Variants in MAP4K4 observed in about 807,000 individuals in gnomAD.
MAP4K4 encodes the protein mitogen-activated protein kinase kinase kinase kinase 4.
Under a neutral mutation model 189.6 loss-of-function variants are expected in MAP4K4, and 38 were observed. That is an observed-to-expected ratio of 0.20 (90% CI 0.15 to 0.26). The LOEUF is 0.26. Ranked by LOEUF, MAP4K4 falls within the 10% of genes least tolerant of loss-of-function variation. The pLI is 1.00. For synonymous variants in MAP4K4, 610 were observed against 624.3 expected, an observed-to-expected ratio of 0.98 and a Z score of 0.34; for missense variants, 1,054 against 1,726.9, an observed-to-expected ratio of 0.61 and a Z score of 6.91.
At chr2:101,737,546 G>T (rs1309802071) in intron 2 of MAP4K4, among the ~76,000 whole-genome samples, 3 of 133,656 alleles carry the variant, frequency 2.2e-5, no homozygotes, top group Non-Finnish European at 4.6e-5. Context: ...GAAATGTTAC[G>T]TATTAATATC....
At chr2:101,840,567 C>T (rs2096886994) in intron 10 of MAP4K4, among the ~76,000 whole-genome samples, 1 of 152,186 alleles carries the variant, frequency 6.6e-6, no homozygotes, top group Non-Finnish European at 1.5e-5. Flanking sequence ...CTTTGCCCAC[C>T]TTCCTGGAAT....
chr2:101,874,309 C>G (rs2098135338), intron 26 of MAP4K4, 57 bp downstream of exon 26: 1 of 1,483,748 alleles, frequency 6.7e-7, no homozygotes, highest in Non-Finnish European at 9.2e-7. Context: ...GGTGGCTGGT[C>G]TTCTAGAGAA....
At position 101,859,815 on chromosome 2, in the gene MAP4K4, A is replaced by G. The variant is rs767335538; in HGVS notation, c.1655A>G (p.His552Arg). 1.8e-5 allele frequency: 29 copies of G among 1,610,604 alleles called. No individual in the cohort carries two copies. The Admixed American group carries it at 2.9e-4, about 16-fold the overall frequency. ...CAGGAAAGGAGCAAGCCAAGCTTCCATGCTCCCGAGCCCAAAGCCCACTAC... is the reference window on the plus strand; with the variant it reads ...CAGGAAAGGAGCAAGCCAAGCTTCCGTGCTCCCGAGCCCAAAGCCCACTAC... The change falls in exon 15 of 33, where the codon CAT becomes CGT. Residue 552 changes from histidine (H) to arginine (R), a missense_variant. This residue lies in a region of MAP4K4 where 646 missense variants were observed against 796.2 expected (regional missense o/e 0.81). Coordinates refer to ENST00000324219, the Ensembl canonical transcript of MAP4K4.
exon 30 of MAP4K4, chr2:101,887,197 T>C: frequency 6.2e-7 from 1 of 1,613,412 alleles, no homozygotes; most frequent in Non-Finnish European, 8.5e-7. Context: ...GCTGTTGATG[T>C]GGATTCAGGA....
At chr2:101,743,290 G>T (rs929035855) in intron 2 of MAP4K4, among the ~76,000 whole-genome samples, 4 of 151,970 alleles carry the variant, frequency 2.6e-5, no homozygotes, top group Non-Finnish European at 4.4e-5. Context: ...GCTTTTTTGG[G>T]GGGTTTACAT....
At chr2:101,722,184 C>T (rs2052556949) in intron 2 of MAP4K4, among the ~76,000 whole-genome samples, 1 of 152,194 alleles carries the variant, frequency 6.6e-6, no homozygotes, top group Non-Finnish European at 1.5e-5. Context: ...CTGTAATTTG[C>T]AGTCACTTGA....
At chr2:101,785,888 G>T (rs941528154) in intron 2 of MAP4K4, among the ~76,000 whole-genome samples, 1 of 151,558 alleles carries the variant, frequency 6.6e-6, no homozygotes, top group East Asian at 1.9e-4. Flanking sequence ...GCAGTGGCAC[G>T]ATCTTGGCTC....
chr2:101,791,374 A>C (rs934889525), intron 3 of MAP4K4, among the ~76,000 whole-genome samples: 1 of 152,212 alleles, frequency 6.6e-6, no homozygotes, highest in Admixed American at 6.5e-5. Context: ...GACAGAAAGT[A>C]AATGTATGTG....
intron 3 of MAP4K4, among the ~76,000 whole-genome samples, chr2:101,793,446 A>G (rs1399393286): frequency 6.6e-6 from 1 of 152,090 alleles, no homozygotes; most frequent in Non-Finnish European, 1.5e-5. Flanking sequence ...CCTGGCTGGG[A>G]CCTGGGAGCA....
chr2:101,742,436 C>T (rs917605250), intron 2 of MAP4K4, among the ~76,000 whole-genome samples: 1 of 152,166 alleles, frequency 6.6e-6, no homozygotes, highest in African/African-American at 2.4e-5. Flanking sequence ...TCCTGAGCCA[C>T]GCTGCCTGTG....
intron 10 of MAP4K4, among the ~76,000 whole-genome samples, chr2:101,841,947 C>T (rs937822719): frequency 1.3e-5 from 2 of 152,106 alleles, no homozygotes; most frequent in African/African-American, 2.4e-5. Flanking sequence ...CTGTCTAAAA[C>T]CTGTAGAACT....
intron 5 of MAP4K4, among the ~76,000 whole-genome samples, chr2:101,825,874 T>G (rs948954283): frequency 2.0e-5 from 3 of 152,250 alleles, no homozygotes; most frequent in Non-Finnish European, 4.4e-5. Context: ...ACAATATTTA[T>G]GAAGAAAAGT....
At chr2:101,858,965 A>G (rs1333493743) in intron 13 of MAP4K4, 31 bp from the exon 14 acceptor site, 2 of 1,555,354 alleles carry the variant, frequency 1.3e-6, no homozygotes, top group African/African-American at 1.4e-5. Context: ...CTTTGGGATA[A>G]TTTGATTGCT....
chr2:101,800,188 GGT>G (rs1393639018), intron 3 of MAP4K4, among the ~76,000 whole-genome samples: 1 of 151,866 alleles, frequency 6.6e-6, no homozygotes, highest in Non-Finnish European at 1.5e-5. Flanking sequence ...GGAGTGCAGT[GGT>G]GTGATCATGG....
exon 13 of MAP4K4, chr2:101,856,119 G>C (rs1356633633): frequency 1.3e-6 from 2 of 1,551,214 alleles, no homozygotes; most frequent in Non-Finnish European, 1.7e-6. Flanking sequence ...GAAGAAAAGA[G>C]GAGAGTTGAA....
intron 12 of MAP4K4, among the ~76,000 whole-genome samples, chr2:101,852,559 C>T (rs1189419037): frequency 3.3e-5 from 5 of 152,100 alleles, no homozygotes; most frequent in East Asian, 1.9e-4. Flanking sequence ...CAGAAGGTTT[C>T]GGTTGAAGTT....
At chr2:101,703,796 A>G (rs986055372) in intron 2 of MAP4K4, among the ~76,000 whole-genome samples, 1 of 151,766 alleles carries the variant, frequency 6.6e-6, no homozygotes, top group Non-Finnish European at 1.5e-5. Flanking sequence ...GGTGGATAAC[A>G]AAGTCAGGAG....
At chr2:101,828,986 A>G (rs2096489900) in intron 5 of MAP4K4, among the ~76,000 whole-genome samples, 1 of 152,222 alleles carries the variant, frequency 6.6e-6, no homozygotes, top group African/African-American at 2.4e-5. Flanking sequence ...TTGACAGCAC[A>G]ATCGTTTTAT....
chr2:101,776,375 G>C (rs1400351380), intron 2 of MAP4K4, among the ~76,000 whole-genome samples: 3 of 152,108 alleles, frequency 2.0e-5, no homozygotes, highest in Admixed American at 1.3e-4. Flanking sequence ...AAGGCCTGTA[G>C]GGACGCTGGA....
Sources: allele counts gnomAD v4.1 joint callset (sites outside exome capture counted in the v4.1 genomes callset), GRCh38; gene constraint gnomAD v4.1.1; regional missense constraint gnomAD v4.1.1; transcripts MANE v1.5; gene names NCBI Gene and HGNC (gene_info 2026-07-23, HGNC 2026-07-21).